Variants in PCDHAC2 observed in about 807,000 individuals in gnomAD.
PCDHAC2 encodes the protein protocadherin alpha-C2.
In PCDHAC2, 24 loss-of-function variants were observed where a neutral mutation model predicts 63.3. The ratio of observed to expected loss-of-function variants is 0.38; its 90% CI spans 0.27 to 0.53. PCDHAC2 has a LOEUF of 0.53. Ranked by LOEUF, PCDHAC2 falls within the 20% of genes least tolerant of loss-of-function variation. The probability of loss-of-function intolerance (pLI) is 0.81; values close to 1 mark genes in which losing one functional copy is unlikely to be tolerated. For missense variants in PCDHAC2, 1,181 were observed against 1,275.2 expected (o/e 0.93, Z 1.12); for synonymous variants, 569 against 529.4 (o/e 1.07, Z -1.03).
At chr5:140,983,904 C>T (rs1227752084) in intron 3 of PCDHAC2, among the ~76,000 whole-genome samples, 2 of 152,164 alleles carry the variant, frequency 1.3e-5, no homozygotes, top group African/African-American at 4.8e-5. Context: ...TTCGTTGATT[C>T]TAATCAGCCA....
At position 141,010,386 on chromosome 5, in the gene PCDHAC2, T is replaced by C; in HGVS notation, c.*449T>C. On this transcript the variant is annotated 3_prime_UTR_variant, in exon 4 of 4. Coordinates refer to ENST00000289269, the MANE Select transcript of PCDHAC2 (RefSeq NM_018899.6). ...GGGTATGCGAGTGCCAGATATTGGCTGAGACGAGCCAGCTTAGACTAATTG... is the reference window on the plus strand; with the variant it reads ...GGGTATGCGAGTGCCAGATATTGGCCGAGACGAGCCAGCTTAGACTAATTG... The C allele has an allele frequency of 7.1e-7, 1 of 1,413,970 alleles. No homozygotes were observed. The highest frequency in any genetic ancestry group is 9.4e-7 in the Non-Finnish European group (1 of 1,063,616). 87.6% of individuals were successfully genotyped at this position (1,413,970 alleles called of 1,614,324 possible). A position where few individuals can be genotyped will look rare whatever the true frequency, so the allele number is the denominator to read the frequency against.
At chr5:140,980,595 A>G (rs2096897056) in intron 2 of PCDHAC2, among the ~76,000 whole-genome samples, 1 of 152,222 alleles carries the variant, frequency 6.6e-6, no homozygotes, top group South Asian at 2.1e-4. Context: ...GAGCCACTGC[A>G]CTCCAGCCTG....
intron 1 of PCDHAC2, among the ~76,000 whole-genome samples, chr5:140,975,810 A>T (rs1310331964): frequency 7.4e-6 from 1 of 134,690 alleles, no homozygotes; most frequent in African/African-American, 2.5e-5. Context: ...TTATAATTTT[A>T]ATAGGAACTG....
At chr5:140,980,354 G>A (rs1387213682) in intron 2 of PCDHAC2, among the ~76,000 whole-genome samples, 1 of 152,138 alleles carries the variant, frequency 6.6e-6, no homozygotes, top group Non-Finnish European at 1.5e-5. Flanking sequence ...TTCCTGGACT[G>A]GGCGCGGTGG....
chr5:140,977,342 T>C (rs1554238451), intron 1 of PCDHAC2, among the ~76,000 whole-genome samples: 3 of 152,222 alleles, frequency 2.0e-5, no homozygotes, highest in Non-Finnish European at 4.4e-5. Context: ...GAGACGGTGA[T>C]GATGACTGAT....
intron 3 of PCDHAC2, among the ~76,000 whole-genome samples, chr5:140,987,294 C>A (rs1406567852): frequency 6.6e-6 from 1 of 152,004 alleles, no homozygotes; most frequent in Non-Finnish European, 1.5e-5. Context: ...AACAAGCCTT[C>A]TATGTGATAC....
At chr5:140,969,576 G>A (rs982215577) in intron 1 of PCDHAC2, 3 of 984,900 alleles carry the variant, frequency 3.0e-6, no homozygotes, top group Admixed American at 2.9e-5. Flanking sequence ...TTTGAGAAGT[G>A]AGGATTAGTC....
chr5:141,009,706 C>G lies in PCDHAC2; in HGVS notation c.2793C>G (p.Gly931=). Reference sequence around the variant, plus strand: ...GCTGGACCTTTAAATACGGACCAGGCAACCCCAAACAATCCGGTCCCGGTG... The same window carrying G: ...GCTGGACCTTTAAATACGGACCAGGGAACCCCAAACAATCCGGTCCCGGTG... ...SNSWTFKYGP[G]NPKQSGPGEL... The change falls in exon 4 of 4, where the codon GGC becomes GGG. Residue 931 remains glycine, a synonymous_variant. Transcript: ENST00000289269. 1 of 1,614,118 alleles carries G rather than the reference C, an allele frequency of 6.2e-7. No homozygotes were observed. Among genetic ancestry groups the G allele is most frequent in the Non-Finnish European group, 8.5e-7 (1 of 1,180,020 alleles).
rs1238256859 is a variant in PCDHAC2, at chr5:141,010,204, C to T, written c.*267C>T. 6.4e-7 allele frequency: 1 copy of T among 1,551,970 alleles called. No homozygotes were observed. On this transcript the variant is annotated 3_prime_UTR_variant, in exon 4 of 4. Transcript: ENST00000289269. The stretch of plus-strand genomic sequence containing the variant: ...GACCCAAGTTTCCTTTCTCCTCCGC[C>T]GCAAAGGAGAGGCTTCCCAGCCCCG...
chr5:140,968,058 G>A lies in PCDHAC2; in HGVS notation c.1292G>A (p.Arg431Gln), dbSNP rs532963970. The change falls in exon 1 of 4, where the codon CGG becomes CAG. Residue 431 changes from arginine to glutamine, a missense_variant. Arg to Gln is a conservative substitution (Grantham distance 43, BLOSUM62 1). Transcript: ENST00000289269. ...LVVSGPLDRE[R>Q]VAVYNITVTA... The stretch of plus-strand genomic sequence containing the variant: ...GTGAGCGGCCCACTGGACCGAGAGC[G>A]GGTGGCTGTCTACAACATCACGGTG... The A allele has an allele frequency of 1.1e-5, 18 of 1,614,088 alleles. No individual in the cohort carries two copies. The highest frequency in any genetic ancestry group is 4.0e-5 in the African/African-American group (3 of 75,026).
intron 1 of PCDHAC2, 40 bp from the exon 2 acceptor site, chr5:140,978,909 C>T: frequency 6.2e-7 from 1 of 1,613,660 alleles, no homozygotes; most frequent in South Asian, 1.1e-5. Context: ...AGAACATTGT[C>T]TTGTCATTTT....
At chr5:140,978,713 A>G (rs2096819329) in intron 1 of PCDHAC2, among the ~76,000 whole-genome samples, 1 of 152,272 alleles carries the variant, frequency 6.6e-6, no homozygotes, top group Admixed American at 6.5e-5. Flanking sequence ...GGCCTTTACA[A>G]GATTATTAAA....
chr5:140,985,930 G>A (rs577670490), intron 3 of PCDHAC2, among the ~76,000 whole-genome samples: 1 of 151,914 alleles, frequency 6.6e-6, no homozygotes, highest in East Asian at 1.9e-4. Flanking sequence ...TAGTAGAGCC[G>A]GGGTTTCACT....
chr5:140,997,567 G>A (rs1163598467), intron 3 of PCDHAC2, among the ~76,000 whole-genome samples: 1 of 152,130 alleles, frequency 6.6e-6, no homozygotes, highest in Non-Finnish European at 1.5e-5. Flanking sequence ...ACTGTCATAT[G>A]TGTGGTCCGT....
At chr5:140,989,153 A>C (rs1409258920) in intron 3 of PCDHAC2, among the ~76,000 whole-genome samples, 2 of 152,186 alleles carry the variant, frequency 1.3e-5, no homozygotes, top group Non-Finnish European at 2.9e-5. Flanking sequence ...CTTTTGTTTA[A>C]GAGTGTTGCA....
At chr5:140,976,697 T>C (rs2096727777) in intron 1 of PCDHAC2, among the ~76,000 whole-genome samples, 1 of 152,224 alleles carries the variant, frequency 6.6e-6, no homozygotes, top group Non-Finnish European at 1.5e-5. Context: ...AGTACAATAA[T>C]GTTGACTTTG....
In PCDHAC2 at chr5:141,011,716, A is replaced by G. The variant is rs975588316; in HGVS notation, c.*1779A>G. 6.5e-6 allele frequency: 1 copy of G among 153,764 alleles called. No homozygotes were observed. Among genetic ancestry groups the G allele is most frequent in the African/African-American group, 2.4e-5 (1 of 41,450 alleles). 9.5% of individuals were successfully genotyped at this position (153,764 alleles called of 1,614,324 possible). On this transcript the variant is annotated 3_prime_UTR_variant, in exon 4 of 4. Transcript: ENST00000289269. Reference sequence around the variant, plus strand: ...TTGGAATGAATACTGACAATATTCCATGAGGGTGTGCAAGCACAAATTTTA... The same window carrying G: ...TTGGAATGAATACTGACAATATTCCGTGAGGGTGTGCAAGCACAAATTTTA...
In PCDHAC2 at chr5:141,011,249, G is replaced by A. The variant is rs1159894108; in HGVS notation, c.*1312G>A. The A allele has an allele frequency of 6.5e-6, 1 of 153,682 alleles. No homozygotes were observed. The highest frequency in any genetic ancestry group is 1.5e-5 in the Non-Finnish European group (1 of 68,038). The allele number at this position is 153,682 out of a possible 1,614,324, so 9.5% of individuals were successfully genotyped here. On this transcript the variant is annotated 3_prime_UTR_variant, in exon 4 of 4. Coordinates refer to ENST00000289269, the MANE Select transcript of PCDHAC2 (RefSeq NM_018899.6). ...TACTAATTCTGTGACTTGTCTTGGT[G>A]TGCTAGCCTACACCTTCTCTTTGGT... is the stretch of plus-strand genomic sequence containing the variant.
chr5:141,006,029 G>A (rs539375544), intron 3 of PCDHAC2, among the ~76,000 whole-genome samples: 12 of 151,322 alleles, frequency 7.9e-5, no homozygotes, highest in Non-Finnish European at 1.2e-4. Context: ...ATAATAGTAA[G>A]AGGGAGATTT....
Sources: allele counts gnomAD v4.1 joint callset (sites outside exome capture counted in the v4.1 genomes callset), GRCh38; gene constraint gnomAD v4.1.1; transcripts MANE v1.5; gene names NCBI Gene and HGNC (gene_info 2026-07-23, HGNC 2026-07-21).